UNC5B: variants seen among roughly 807,000 people sequenced by gnomAD.
The protein encoded by UNC5B is unc-5 netrin receptor B, also known as netrin receptor UNC5B.
A neutral mutation model predicts 103.7 loss-of-function variants in UNC5B; 56 were observed. The observed-to-expected ratio is 0.54, with a 90% CI of 0.44 to 0.67. The LOEUF is 0.67. Among genes scored for constraint, UNC5B ranks in the 30% least tolerant of loss-of-function variants. The probability of loss-of-function intolerance (pLI) is 0.00; values close to 1 mark genes in which losing one functional copy is unlikely to be tolerated. For synonymous variants in UNC5B, 577 were observed against 542.0 expected, an observed-to-expected ratio of 1.06 and a Z score of -0.90; for missense variants, 1,194 against 1,284.5, an observed-to-expected ratio of 0.93 and a Z score of 1.08.
chr10:71,226,112 T>C (rs1843558078), intron 1 of UNC5B, among the ~76,000 whole-genome samples: 1 of 152,242 alleles, frequency 6.6e-6, no homozygotes, highest in Non-Finnish European at 1.5e-5. Context: ...TCTTGCTCTA[T>C]CACCCAGGCT....
chr10:71,296,045 G>C, intron 14 of UNC5B, 85 bp downstream of exon 14: 1 of 1,575,218 alleles, frequency 6.3e-7, no homozygotes, highest in South Asian at 1.1e-5. Context: ...CTGCCTCCTA[G>C]CTCTGTCCTG....
At chr10:71,248,865 TCTCACACACACA>T (rs59977749) in intron 1 of UNC5B, among the ~76,000 whole-genome samples, 20,848 of 143,044 alleles carry the variant, frequency 0.15, 1,694 homozygotes, top group East Asian at 0.28. Context: ...TCTCTCTCTC[TCTCACACACACA>T]CACACACACA....
intron 1 of UNC5B, among the ~76,000 whole-genome samples, chr10:71,270,721 A>G (rs1844628075): frequency 1.3e-5 from 2 of 152,076 alleles, no homozygotes; most frequent in Non-Finnish European, 2.9e-5. Flanking sequence ...GGGTGAAGGA[A>G]AGGGAGCCAC....
At chr10:71,288,270 C>A (rs1845146000) in intron 6 of UNC5B, among the ~76,000 whole-genome samples, 1 of 152,132 alleles carries the variant, frequency 6.6e-6, no homozygotes, top group African/African-American at 2.4e-5. Context: ...TTTTCTTTAC[C>A]CTGGGTTTGT....
intron 2 of UNC5B, 113 bp downstream of exon 2, chr10:71,280,158 C>G: frequency 3.3e-6 from 4 of 1,202,138 alleles, no homozygotes; most frequent in Non-Finnish European, 4.7e-6. Context: ...TTAGCATTTC[C>G]CCAAGTGCTG....
intron 1 of UNC5B, among the ~76,000 whole-genome samples, chr10:71,227,693 TATATACACAC>T (rs1202789835): frequency 9.9e-5 from 13 of 130,888 alleles, no homozygotes; most frequent in Admixed American, 9.7e-4. Flanking sequence ...TATACACATA[TATATACACAC>T]ATATACACAC....
intron 14 of UNC5B, among the ~76,000 whole-genome samples, chr10:71,296,243 T>C (rs139046568): frequency 3.6e-4 from 55 of 152,276 alleles, no homozygotes; most frequent in Admixed American, 1.5e-3. Context: ...CTCCTCACCC[T>C]TCAGGGCATG....
At chr10:71,250,797 CTT>C (rs1176901656) in intron 1 of UNC5B, among the ~76,000 whole-genome samples, 2 of 152,170 alleles carry the variant, frequency 1.3e-5, no homozygotes, top group Non-Finnish European at 2.9e-5. Flanking sequence ...GAGATTATAA[CTT>C]TTCTAATTTA....
At chr10:71,297,092 G>T (rs1390206354) in intron 15 of UNC5B, among the ~76,000 whole-genome samples, 2 of 152,266 alleles carry the variant, frequency 1.3e-5, no homozygotes, top group Non-Finnish European at 2.9e-5. Flanking sequence ...TGGTGGAGGT[G>T]AGGGCCAGAG....
chr10:71,227,468 G>A (rs188827752), intron 1 of UNC5B, among the ~76,000 whole-genome samples: 1 of 151,906 alleles, frequency 6.6e-6, no homozygotes, highest in Admixed American at 6.6e-5. Context: ...GGTACAGTGT[G>A]CATTGCTTAT....
chr10:71,223,760 C>G (rs1382242761), intron 1 of UNC5B, among the ~76,000 whole-genome samples: 1 of 133,560 alleles, frequency 7.5e-6, no homozygotes, highest in Non-Finnish European at 1.8e-5. Flanking sequence ...TATCACTTCT[C>G]CCCACCTTGC....
In UNC5B at chr10:71,296,620, C is replaced by T. The variant is rs772608927; in HGVS notation, c.2368C>T (p.Leu790Phe). Residue 790 changes from leucine to phenylalanine, a missense_variant, in exon 15 of 17, where the codon CTC becomes TTC. Coordinates refer to ENST00000335350, the MANE Select transcript of UNC5B (RefSeq NM_170744.5). Reference protein sequence around the residue: ...YHIWSGSQKALHCTFTLERHS... With the variant: ...YHIWSGSQKAFHCTFTLERHS... ...CATTTGGAGTGGCAGCCAGAAGGCCCTCCACTGCACTTTCACCCTGGAGAG... is the reference window on the plus strand; with the variant it reads ...CATTTGGAGTGGCAGCCAGAAGGCCTTCCACTGCACTTTCACCCTGGAGAG... 8.1e-6 allele frequency: 13 copies of T among 1,613,988 alleles called. No individual in the cohort carries two copies. The highest frequency in any genetic ancestry group is 1.1e-5 in the South Asian group (1 of 91,086).
chr10:71,297,458 C>T (rs1413012344), intron 15 of UNC5B, among the ~76,000 whole-genome samples: 4 of 152,216 alleles, frequency 2.6e-5, no homozygotes, highest in Non-Finnish European at 5.9e-5. Context: ...ACCCAGGCCA[C>T]CCAGGGTGAC....
rs1461895960 is a variant in UNC5B at position 71,227,703 on chromosome 10, C to CACATATAT, written c.79+14640_79+14641insCATATATA. Reference sequence around the variant, plus strand: ...ATATATATACACATATATATACACACATATACACACACACACACACACACA... The same window carrying CACATATAT: ...ATATATATACACATATATATACACACACATATATATATACACACACACACACACACACA... On this transcript the variant is annotated intron_variant, in intron 1 of 16. Transcript: ENST00000335350. 1.2e-3 allele frequency among the ~76,000 whole-genome samples: 137 copies of CACATATAT among 111,484 alleles called. 1 individual carries two copies. The Middle Eastern group carries it at 0.013, about 10-fold the overall frequency. The allele number at this position is 111,484 out of a possible 152,430, so 73.1% of individuals were successfully genotyped here.
chr10:71,261,859 A>G (rs2132281890), intron 1 of UNC5B, among the ~76,000 whole-genome samples: 1 of 152,250 alleles, frequency 6.6e-6, no homozygotes, highest in East Asian at 1.9e-4. Context: ...GAATACAACT[A>G]CATAAAGCCT....
chr10:71,225,422 G>A (rs1843541829), intron 1 of UNC5B, among the ~76,000 whole-genome samples: 1 of 152,208 alleles, frequency 6.6e-6, no homozygotes, highest in Non-Finnish European at 1.5e-5. Flanking sequence ...CAGCTGTTGA[G>A]CTAAGTGACA....
At chr10:71,236,305 T>TA (rs1827076873) in intron 1 of UNC5B, among the ~76,000 whole-genome samples, 1 of 152,168 alleles carries the variant, frequency 6.6e-6, no homozygotes, top group Admixed American at 6.5e-5. Flanking sequence ...TGTGTAGCCT[T>TA]AGAGAAAGAC....
At chr10:71,227,641 CATATACATATATATACATAT>C (rs1222322709) in intron 1 of UNC5B, among the ~76,000 whole-genome samples, 4 of 137,692 alleles carry the variant, frequency 2.9e-5, no homozygotes, top group East Asian at 2.0e-4. Flanking sequence ...TATATATACA[CATATACATATATATACATAT>C]ATATACACAT....
At chr10:71,287,038 G>T (rs1845107111) in intron 5 of UNC5B, among the ~76,000 whole-genome samples, 169 bp downstream of exon 5, 1 of 152,174 alleles carries the variant, frequency 6.6e-6, no homozygotes, top group African/African-American at 2.4e-5. Flanking sequence ...GGCATTCCTG[G>T]GTTCCCAGCC....
Sources: allele counts gnomAD v4.1 joint callset (sites outside exome capture counted in the v4.1 genomes callset), GRCh38; gene constraint gnomAD v4.1.1; transcripts MANE v1.5; gene names NCBI Gene and HGNC (gene_info 2026-07-23, HGNC 2026-07-21).